MGAT4C: variants seen among roughly 807,000 people sequenced by gnomAD.
The protein encoded by MGAT4C is alpha-1,3-mannosyl-glycoprotein 4-beta-N-acetylglucosaminyltransferase C.
A neutral mutation model predicts 40.1 loss-of-function variants in MGAT4C; 19 were observed. The ratio of observed to expected loss-of-function variants is 0.47; its 90% CI spans 0.33 to 0.70. The LOEUF (loss-of-function observed/expected upper bound fraction) is 0.70, where lower values mean the gene tolerates loss of function less well. Among genes scored for constraint, MGAT4C ranks in the 30% least tolerant of loss-of-function variants. The pLI is 0.02. For missense variants in MGAT4C, 491 were observed against 563.2 expected, an observed-to-expected ratio of 0.87 and a Z score of 1.30; for synonymous variants, 181 against 187.1, an observed-to-expected ratio of 0.97 and a Z score of 0.27.
At chr12:86,100,845 T>C (rs1325753997) in intron 1 of MGAT4C, among the ~76,000 whole-genome samples, 1 of 151,568 alleles carries the variant, frequency 6.6e-6, no homozygotes, top group Non-Finnish European at 1.5e-5. Flanking sequence ...GCACAGTAAT[T>C]GAATGTTATT....
At chr12:86,366,253 C>T (rs1268470968) in intron 3 of MGAT4C, among the ~76,000 whole-genome samples, 1 of 152,156 alleles carries the variant, frequency 6.6e-6, no homozygotes, top group Non-Finnish European at 1.5e-5. Flanking sequence ...CATCCTGAAA[C>T]TTTACTCAAT....
intron 2 of MGAT4C, among the ~76,000 whole-genome samples, chr12:86,480,280 CAA>C (rs1181888652): frequency 2.6e-5 from 4 of 151,400 alleles, no homozygotes; most frequent in South Asian, 4.2e-4. Context: ...CAAAATGAAA[CAA>C]GAGAGGAAAT....
chr12:86,791,737 C>T (rs1011804155), intron 1 of MGAT4C, among the ~76,000 whole-genome samples: 6 of 152,146 alleles, frequency 3.9e-5, no homozygotes, highest in African/African-American at 1.4e-4. Context: ...CCTTTCTCAG[C>T]ATTAGTTCCA....
intron 2 of MGAT4C, among the ~76,000 whole-genome samples, chr12:86,570,533 C>T (rs1037900415): frequency 7.2e-5 from 11 of 151,962 alleles, no homozygotes; most frequent in African/African-American, 1.2e-4. Context: ...ACTAAAAAAG[C>T]GCATCCATTT....
chr12:86,255,345 T>G (rs1436047942), intron 1 of MGAT4C, among the ~76,000 whole-genome samples: 1 of 152,116 alleles, frequency 6.6e-6, no homozygotes, highest in Non-Finnish European at 1.5e-5. Context: ...TGTTATCATG[T>G]GAACATTCTC....
At chr12:86,430,697 G>A (rs1957019733) in intron 3 of MGAT4C, among the ~76,000 whole-genome samples, 1 of 152,126 alleles carries the variant, frequency 6.6e-6, no homozygotes, top group Admixed American at 6.6e-5. Flanking sequence ...TGGAGGCTGG[G>A]CTCCAAGGTT....
chr12:86,558,745 T>C (rs749420520), intron 2 of MGAT4C, among the ~76,000 whole-genome samples: 2 of 151,668 alleles, frequency 1.3e-5, no homozygotes, highest in Non-Finnish European at 2.9e-5. Context: ...AAATGAGAAA[T>C]AGAAAGGAGT....
chr12:86,566,570 A>ATGTATATATATATG (rs59351802), intron 2 of MGAT4C, among the ~76,000 whole-genome samples: 1 of 39,464 alleles, frequency 2.5e-5, no homozygotes, highest in Admixed American at 4.3e-4. Flanking sequence ...ATATATATAT[A>ATGTATATATATATG]TATATGTATA....
chr12:86,114,835 G>T (rs570889079), intron 1 of MGAT4C, among the ~76,000 whole-genome samples: 1 of 151,910 alleles, frequency 6.6e-6, no homozygotes, highest in East Asian at 1.9e-4. Context: ...TTTTAAAGAT[G>T]TTAAAATCTA....
chr12:86,709,372 G>A (rs1950517180), intron 2 of MGAT4C, among the ~76,000 whole-genome samples: 1 of 152,104 alleles, frequency 6.6e-6, no homozygotes. Flanking sequence ...TTTATCAGCA[G>A]TGTAAAAATG....
intron 2 of MGAT4C, among the ~76,000 whole-genome samples, chr12:86,724,293 G>A (rs1485520141): frequency 6.6e-6 from 1 of 152,126 alleles, no homozygotes; most frequent in African/African-American, 2.4e-5. Context: ...CCTCAGCACT[G>A]TTGTGTCTCC....
chr12:86,569,410 G>A (rs939579939), intron 2 of MGAT4C, among the ~76,000 whole-genome samples: 4 of 151,916 alleles, frequency 2.6e-5, no homozygotes, highest in Non-Finnish European at 4.4e-5. Flanking sequence ...AATTGTCAAT[G>A]GGTATATTTA....
chr12:86,287,811 C>T (rs991364161), intron 4 of MGAT4C, among the ~76,000 whole-genome samples: 1 of 152,290 alleles, frequency 6.6e-6, no homozygotes, highest in Non-Finnish European at 1.5e-5. Context: ...AGTAATCATA[C>T]GTATGCATGT....
chr12:86,458,678 A>G (rs1957547776), intron 2 of MGAT4C, among the ~76,000 whole-genome samples: 1 of 152,246 alleles, frequency 6.6e-6, no homozygotes. Context: ...TGGAATGAAT[A>G]TCACAGTTTG....
At chr12:86,478,199 G>C (rs1292205146) in intron 2 of MGAT4C, among the ~76,000 whole-genome samples, 1 of 152,176 alleles carries the variant, frequency 6.6e-6, no homozygotes, top group African/African-American at 2.4e-5. Flanking sequence ...TCAGAGGCCA[G>C]TCTAGCAACT....
intron 1 of MGAT4C, among the ~76,000 whole-genome samples, chr12:86,087,294 T>A (rs1872048857): frequency 6.6e-6 from 1 of 152,138 alleles, no homozygotes; most frequent in African/African-American, 2.4e-5. Flanking sequence ...ATATTTCTGT[T>A]AAAATTGTAT....
At chr12:86,833,082 A>G (rs1041630938) in intron 1 of MGAT4C, among the ~76,000 whole-genome samples, 4 of 151,914 alleles carry the variant, frequency 2.6e-5, no homozygotes, top group African/African-American at 4.8e-5. Context: ...TAGGCTAAAA[A>G]TAACTGCTGA....
At chr12:86,460,975 T>C (rs1316115464) in intron 2 of MGAT4C, among the ~76,000 whole-genome samples, 2 of 152,248 alleles carry the variant, frequency 1.3e-5, no homozygotes, top group African/African-American at 4.8e-5. Flanking sequence ...AGTTTTAAAG[T>C]CTTGTCATTT....
chr12:86,173,833 T>C (rs971816469), intron 1 of MGAT4C, among the ~76,000 whole-genome samples: 1 of 152,096 alleles, frequency 6.6e-6, no homozygotes, highest in Non-Finnish European at 1.5e-5. Flanking sequence ...TGACTTTACA[T>C]TTCATTTTTG....
Sources: allele counts gnomAD v4.1 joint callset (sites outside exome capture counted in the v4.1 genomes callset), GRCh38; gene constraint gnomAD v4.1.1; transcripts MANE v1.5; gene names NCBI Gene and HGNC (gene_info 2026-07-23, HGNC 2026-07-21).